PPP2R5C: variants seen among roughly 807,000 people sequenced by gnomAD.
PPP2R5C encodes protein phosphatase 2 regulatory subunit B'gamma.
PPP2R5C carries 7 observed loss-of-function variants against 68.9 expected under a neutral mutation model. The observed-to-expected ratio is 0.10, with a 90% confidence interval of 0.06 to 0.19. The LOEUF (loss-of-function observed/expected upper bound fraction) is 0.19. Among genes scored for constraint, PPP2R5C ranks in the 10% least tolerant of loss-of-function variants. PPP2R5C has a pLI of 1.00. For missense variants in PPP2R5C, 348 were observed against 641.3 expected (o/e 0.54, Z 4.94); for synonymous variants, 210 against 222.2 (o/e 0.95, Z 0.49).
chr14:101,856,027 T>C (rs1205673029), intron 1 of PPP2R5C, among the ~76,000 whole-genome samples: 1 of 152,246 alleles, frequency 6.6e-6, no homozygotes, highest in Admixed American at 6.5e-5. Context: ...GTGATAAGCC[T>C]TGACTGTAGA....
intron 2 of PPP2R5C, among the ~76,000 whole-genome samples, chr14:101,776,705 A>C (rs2037438017): frequency 6.7e-6 from 1 of 149,964 alleles, no homozygotes; most frequent in African/African-American, 2.5e-5. Flanking sequence ...GTCACTCCTC[A>C]CTCCCCTTCC....
upstream of PPP2R5C, among the ~76,000 whole-genome samples, chr14:101,806,257 C>A (rs1222893976): frequency 6.6e-6 from 1 of 151,772 alleles, no homozygotes; most frequent in Middle Eastern, 3.2e-3. Flanking sequence ...TCTCCCACCC[C>A]CTGTCCCCCA....
At chr14:101,790,270 T>C (rs1359822088) in intron 3 of PPP2R5C, among the ~76,000 whole-genome samples, 1 of 152,240 alleles carries the variant, frequency 6.6e-6, no homozygotes, top group Non-Finnish European at 1.5e-5. Flanking sequence ...AGTTGAGGCA[T>C]AATTTACATA....
intron 2 of PPP2R5C, among the ~76,000 whole-genome samples, chr14:101,880,662 T>C (rs1051673337): frequency 6.6e-6 from 1 of 151,988 alleles, no homozygotes; most frequent in Non-Finnish European, 1.5e-5. Context: ...CAGAGCATGG[T>C]GGTGCGTGCT....
chr14:101,787,631 G>A (rs914132294), intron 3 of PPP2R5C, among the ~76,000 whole-genome samples: 3 of 152,062 alleles, frequency 2.0e-5, no homozygotes, highest in Non-Finnish European at 4.4e-5. Context: ...GCCAGGCGTG[G>A]TGGCGGGCGC....
At chr14:101,870,854 T>A (rs539002843) in intron 2 of PPP2R5C, among the ~76,000 whole-genome samples, 76 of 152,316 alleles carry the variant, frequency 5.0e-4, no homozygotes, top group African/African-American at 1.8e-3. Flanking sequence ...ACTCGTAAAT[T>A]AGTATTTTGG....
At chr14:101,842,031 C>G (rs2041506561) in intron 1 of PPP2R5C, among the ~76,000 whole-genome samples, 1 of 152,148 alleles carries the variant, frequency 6.6e-6, no homozygotes, top group Non-Finnish European at 1.5e-5. Context: ...CAGGTTCCCC[C>G]CACCAAACCC....
intron 3 of PPP2R5C, among the ~76,000 whole-genome samples, chr14:101,795,893 G>C (rs2038584569): frequency 6.6e-6 from 1 of 152,116 alleles, no homozygotes; most frequent in Admixed American, 6.6e-5. Flanking sequence ...CACAATGTCA[G>C]CTCACTGCAG....
chr14:101,824,319 GT>G, intron 1 of PPP2R5C: 1 of 577,134 alleles, frequency 1.7e-6, no homozygotes, highest in Non-Finnish European at 2.5e-6. Flanking sequence ...AACTGGCTCT[GT>G]TTTAGTGTAG....
At chr14:101,761,064 A>AG (rs2036495295), upstream of PPP2R5C, among the ~76,000 whole-genome samples, 2 of 23,794 alleles carry the variant, frequency 8.4e-5, no homozygotes, top group Admixed American at 4.8e-4. Context: ...AGGGGAGTGG[A>AG]GGGAGAGGAG....
At position 101,762,939 on chromosome 14, in the gene PPP2R5C, C is replaced by A. The variant is rs867147495; in HGVS notation, c.62C>A (p.Ser21Ter). 1 of 1,583,130 alleles carries A rather than the reference C, an allele frequency of 6.3e-7. No individual in the cohort carries two copies. The highest frequency in any genetic ancestry group is 8.6e-7 in the Non-Finnish European group (1 of 1,163,738). ...AAAGCAGGGAAGAGTGGAAAAAGTT[C>A]AAAAGAAGGACAAGACACAGTAGAA... is the stretch of plus-strand genomic sequence containing the variant. The change falls in exon 2 of 15, where the codon TCA becomes TAA. Residue 21 changes from serine to a stop codon, truncating the protein, a stop_gained. Transcript: ENST00000328724. LOFTEE classifies it high-confidence loss of function.
intron 3 of PPP2R5C, among the ~76,000 whole-genome samples, chr14:101,791,032 A>G (rs1221374233): frequency 3.9e-5 from 6 of 151,966 alleles, no homozygotes; most frequent in Admixed American, 3.3e-4. Flanking sequence ...GTGAGCCGAG[A>G]TCACACCACT....
upstream of PPP2R5C, among the ~76,000 whole-genome samples, chr14:101,805,609 T>A (rs1413741108): frequency 6.6e-6 from 1 of 152,212 alleles, no homozygotes; most frequent in Non-Finnish European, 1.5e-5. Flanking sequence ...TAGCCCCATG[T>A]TCATGGCAAC....
At chr14:101,767,128 A>G (rs954511731) in intron 2 of PPP2R5C, 1 of 152,154 alleles carries the variant, frequency 6.6e-6, no homozygotes. Flanking sequence ...AGAAAGAACA[A>G]TCCTCTCTCC....
chr14:101,909,890 C>T (rs554618727), intron 11 of PPP2R5C, among the ~76,000 whole-genome samples, 200 bp downstream of exon 13: 1 of 152,298 alleles, frequency 6.6e-6, no homozygotes, highest in South Asian at 2.1e-4. Flanking sequence ...TATTCTCCCC[C>T]CTTGTATTGC....
intron 2 of PPP2R5C, among the ~76,000 whole-genome samples, chr14:101,863,856 C>T (rs536407855): frequency 6.6e-6 from 1 of 152,230 alleles, no homozygotes; most frequent in East Asian, 1.9e-4. Context: ...CAAGATCGCA[C>T]CACTGCACTC....
chr14:101,769,614 A>G (rs1279211786), intron 2 of PPP2R5C, among the ~76,000 whole-genome samples: 1 of 152,224 alleles, frequency 6.6e-6, no homozygotes, highest in Non-Finnish European at 1.5e-5. Flanking sequence ...CAGTATACTA[A>G]AGCAGAAGAT....
At chr14:101,762,510 G>T (rs181668015) in intron 1 of PPP2R5C, among the ~76,000 whole-genome samples, 4 of 151,914 alleles carry the variant, frequency 2.6e-5, no homozygotes, top group African/African-American at 7.3e-5. Flanking sequence ...TTTGCATTCG[G>T]GGGGGCGGGT....
upstream of PPP2R5C, among the ~76,000 whole-genome samples, chr14:101,809,493 A>C (rs2039223067): frequency 1.3e-5 from 2 of 151,884 alleles, no homozygotes; most frequent in Admixed American, 6.6e-5. Context: ...GGTGGGTATA[A>C]AATGAATTTG....
Sources: allele counts gnomAD v4.1 joint callset (sites outside exome capture counted in the v4.1 genomes callset), GRCh38; gene constraint gnomAD v4.1.1; transcripts MANE v1.5; gene names NCBI Gene and HGNC (gene_info 2026-07-23, HGNC 2026-07-21).